The following UBE2R2 variants were observed in gnomAD, a reference collection of about 807,000 sequenced individuals.
UBE2R2 encodes the protein ubiquitin-conjugating enzyme E2 R2.
Under a neutral mutation model 27.8 loss-of-function variants are expected in UBE2R2, and 1 was observed. That is an observed-to-expected ratio of 0.04 (90% confidence interval 0.01 to 0.17). The LOEUF is 0.17. Among genes scored for constraint, UBE2R2 ranks in the 10% least tolerant of loss-of-function variants. The pLI, the probability that UBE2R2 is intolerant of heterozygous loss-of-function variation, is 1.00. For synonymous variants in UBE2R2, 106 were observed against 113.3 expected, an observed-to-expected ratio of 0.94 and a Z score of 0.41; for missense variants, 100 against 291.0, an observed-to-expected ratio of 0.34 and a Z score of 4.78.
intron 1 of UBE2R2, among the ~76,000 whole-genome samples, chr9:33,834,341 A>G (rs1820565815): frequency 6.6e-6 from 1 of 151,484 alleles, no homozygotes; most frequent in Admixed American, 6.6e-5. Flanking sequence ...GCTGTAGAGT[A>G]GCTGGAATTA....
intron 3 of UBE2R2, among the ~76,000 whole-genome samples, chr9:33,905,793 T>A (rs1439452592): frequency 6.6e-6 from 1 of 152,178 alleles, no homozygotes; most frequent in Non-Finnish European, 1.5e-5. Context: ...TAACTAGTCA[T>A]CTGTAGTTAC....
chr9:33,822,096 A>ATTT (rs57690053), intron 1 of UBE2R2, among the ~76,000 whole-genome samples: 23 of 145,088 alleles, frequency 1.6e-4, no homozygotes, highest in African/African-American at 2.5e-4. Context: ...ATATATATAT[A>ATTT]TTTTTTTTTT....
chr9:33,861,616 G>C (rs1225093726), intron 1 of UBE2R2, among the ~76,000 whole-genome samples: 1 of 151,570 alleles, frequency 6.6e-6, no homozygotes, highest in Non-Finnish European at 1.5e-5. Flanking sequence ...GAACAAGCTA[G>C]TCTTCATTAA....
At chr9:33,842,985 A>G (rs2130741897) in intron 1 of UBE2R2, among the ~76,000 whole-genome samples, 1 of 143,286 alleles carries the variant, frequency 7.0e-6, no homozygotes, top group African/African-American at 2.6e-5. Context: ...GTGCTACTGC[A>G]TGGCAGCCTG....
At chr9:33,909,260 T>C (rs551203738) in intron 3 of UBE2R2, among the ~76,000 whole-genome samples, 8 of 151,774 alleles carry the variant, frequency 5.3e-5, no homozygotes, top group African/African-American at 1.7e-4. Flanking sequence ...CTGAGGCAGG[T>C]GAATAACCTA....
intron 1 of UBE2R2, among the ~76,000 whole-genome samples, chr9:33,857,257 A>T (rs1821128589): frequency 6.6e-6 from 1 of 151,660 alleles, no homozygotes; most frequent in Non-Finnish European, 1.5e-5. Flanking sequence ...AGGGTTTCAG[A>T]AGACAGTAGA....
At chr9:33,884,201 T>TCTCC (rs1451962767) in intron 1 of UBE2R2, among the ~76,000 whole-genome samples, 10 of 101,738 alleles carry the variant, frequency 9.8e-5, no homozygotes, top group African/African-American at 4.6e-4. Flanking sequence ...CTTAAGAATC[T>TCTCC]CTCTCTCTCT....
At chr9:33,819,656 TGAGACGGA>T in intron 1 of UBE2R2, among the ~76,000 whole-genome samples, 1 of 152,242 alleles carries the variant, frequency 6.6e-6, no homozygotes, top group East Asian at 1.9e-4. Flanking sequence ...TTTTTTTTTT[TGAGACGGA>T]GTCTCGCTCT....
chr9:33,877,827 C>CTGTCTGTCTGTCTGTCTGTCTG (rs1563997770), intron 1 of UBE2R2, among the ~76,000 whole-genome samples: 1 of 82,982 alleles, frequency 1.2e-5, no homozygotes, highest in African/African-American at 6.4e-5. Context: ...CTGTCTGTCT[C>CTGTCTGTCTGTCTGTCTGTCTG]TCTCTCTCTC....
At chr9:33,840,693 T>A (rs1205848413) in intron 1 of UBE2R2, among the ~76,000 whole-genome samples, 1 of 152,160 alleles carries the variant, frequency 6.6e-6, no homozygotes, top group Non-Finnish European at 1.5e-5. Context: ...CATTAATTTA[T>A]CAATGGTTTA....
chr9:33,883,109 T>G (rs185761522), intron 1 of UBE2R2, among the ~76,000 whole-genome samples: 2 of 152,222 alleles, frequency 1.3e-5, no homozygotes, highest in Admixed American at 6.5e-5. Context: ...TAATAATAAT[T>G]TTAATTGTGT....
At chr9:33,874,461 TC>T (rs552102368) in intron 1 of UBE2R2, among the ~76,000 whole-genome samples, 1 of 152,138 alleles carries the variant, frequency 6.6e-6, no homozygotes. Context: ...TGCCCTCTGT[TC>T]CTGAGCTGAT....
intron 1 of UBE2R2, among the ~76,000 whole-genome samples, chr9:33,846,693 C>G (rs1041504656): frequency 6.6e-6 from 1 of 152,180 alleles, no homozygotes; most frequent in Non-Finnish European, 1.5e-5. Context: ...TCTCTTGCAA[C>G]TGCTAAACTC....
intron 1 of UBE2R2, among the ~76,000 whole-genome samples, chr9:33,858,075 A>C (rs2130762983): frequency 6.6e-6 from 1 of 152,318 alleles, no homozygotes; most frequent in South Asian, 2.1e-4. Context: ...CATATAATAA[A>C]AGCTAATTTA....
At chr9:33,820,979 C>CA in intron 1 of UBE2R2, among the ~76,000 whole-genome samples, 1 of 152,136 alleles carries the variant, frequency 6.6e-6, no homozygotes, top group Non-Finnish European at 1.5e-5. Context: ...GTAGGATGGG[C>CA]AAAGATAGTT....
intron 2 of UBE2R2, among the ~76,000 whole-genome samples, chr9:33,889,028 T>C (rs570532970): frequency 1.3e-5 from 2 of 152,360 alleles, no homozygotes; most frequent in South Asian, 4.1e-4. Flanking sequence ...TTTCTAAATA[T>C]TGTTTAATAT....
intron 1 of UBE2R2, among the ~76,000 whole-genome samples, chr9:33,835,327 A>G (rs530487953): frequency 5.3e-5 from 8 of 151,888 alleles, no homozygotes; most frequent in Non-Finnish European, 1.0e-4. Flanking sequence ...TTGTATTTTT[A>G]GTAGATACAA....
rs373645688 is a variant in UBE2R2, at chr9:33,823,825, C to G, written c.177+5891C>G. Among the ~76,000 whole-genome samples the G allele has an allele frequency of 4.6e-5, 7 of 152,114 alleles. No homozygotes were observed. The South Asian group carries it at 1.0e-3, about 22-fold the overall frequency. On this transcript the variant is annotated intron_variant, in intron 1 of 4. Transcript: ENST00000263228. ...GTTTACTGCCGATGAGCTAAGAATC[C>G]TCTTGTAAGGTATTTGGATAGGCAA... is the stretch of plus-strand genomic sequence containing the variant.
At chr9:33,828,463 C>T (rs1338527093) in intron 1 of UBE2R2, among the ~76,000 whole-genome samples, 2 of 148,890 alleles carry the variant, frequency 1.3e-5, no homozygotes. Context: ...GATCTTGGCT[C>T]ACTGCAACCT....
Sources: allele counts gnomAD v4.1 joint callset (sites outside exome capture counted in the v4.1 genomes callset), GRCh38; gene constraint gnomAD v4.1.1; transcripts MANE v1.5; gene names NCBI Gene and HGNC (gene_info 2026-07-23, HGNC 2026-07-21).